Variants in TTC23 observed in about 807,000 individuals in gnomAD.
The protein encoded by TTC23 is tetratricopeptide repeat protein 23.
Under a neutral mutation model 55.1 loss-of-function variants are expected in TTC23, and 58 were observed. That is an observed-to-expected ratio of 1.05 (90% CI 0.85 to 1.31). The LOEUF (loss-of-function observed/expected upper bound fraction) is 1.31, where lower values mean the gene tolerates loss of function less well. Ranked by LOEUF, TTC23 falls within the 50% of genes most tolerant of loss-of-function variation. The pLI, the probability that TTC23 is intolerant of heterozygous loss-of-function variation, is 0.00. For synonymous variants in TTC23, 203 were observed against 199.9 expected (o/e 1.02, Z -0.13); for missense variants, 516 against 534.4 (o/e 0.97, Z 0.34).
At chr15:99,197,914 A>G (rs2075881008) in intron 9 of TTC23, among the ~76,000 whole-genome samples, 1 of 152,100 alleles carries the variant, frequency 6.6e-6, no homozygotes, top group Admixed American at 6.5e-5. Flanking sequence ...ACAAAAAAAA[A>G]AAAGAAAAAA....
chr15:99,172,869 G>A (rs1157933651), intron 10 of TTC23, among the ~76,000 whole-genome samples: 1 of 152,144 alleles, frequency 6.6e-6, no homozygotes, highest in Non-Finnish European at 1.5e-5. Context: ...GCTATATTTA[G>A]ACTGGAAAAC....
intron 8 of TTC23, among the ~76,000 whole-genome samples, chr15:99,217,773 T>C (rs2077589889): frequency 6.6e-6 from 1 of 152,224 alleles, no homozygotes. Context: ...TCCATTCACA[T>C]GGAAGCATTA....
intron 1 of TTC23, chr15:99,248,068 C>T (rs1027787437): frequency 6.6e-6 from 1 of 152,034 alleles, no homozygotes; most frequent in Non-Finnish European, 1.5e-5. Context: ...GGCAGCGGTC[C>T]CCAAAAATCT....
At chr15:99,142,139 G>A (rs1430546435) in intron 12 of TTC23, among the ~76,000 whole-genome samples, 2 of 152,088 alleles carry the variant, frequency 1.3e-5, no homozygotes, top group Non-Finnish European at 2.9e-5. Flanking sequence ...CTGAGGGGAG[G>A]GGATGCGGAC....
At chr15:99,247,959 T>C (rs1393042132) in intron 1 of TTC23, among the ~76,000 whole-genome samples, 1 of 152,184 alleles carries the variant, frequency 6.6e-6, no homozygotes, top group East Asian at 1.9e-4. Flanking sequence ...AAAATAGCTA[T>C]GAAACCACAA....
chr15:99,210,007 C>T (rs2623199), intron 8 of TTC23, among the ~76,000 whole-genome samples: 121,280 of 152,136 alleles, frequency 0.8, 48,678 homozygotes, highest in African/African-American at 0.89. Context: ...CCGCCTGCTT[C>T]GGCCTCCCAA....
chr15:99,152,663 G>A (rs1204926658), intron 12 of TTC23, among the ~76,000 whole-genome samples: 2 of 152,114 alleles, frequency 1.3e-5, no homozygotes, highest in Non-Finnish European at 2.9e-5. Flanking sequence ...GAACCACCAC[G>A]CCTGGCCTCA....
chr15:99,199,909 T>TACCAA lies in TTC23; in HGVS notation c.759+9_759+10insTTGGT. 6.2e-7 allele frequency: 1 copy of TACCAA among 1,608,928 alleles called. No homozygotes were observed. Among genetic ancestry groups the TACCAA allele is most frequent in the Non-Finnish European group, 8.5e-7 (1 of 1,177,594 alleles). The stretch of plus-strand genomic sequence containing the variant: ...AGAACAGCTTTGGTAGCCAGGACCT[T>TACCAA]GTAGCTTACCTGGAGGAAGTGGTTG... On this transcript the variant is annotated intron_variant, in intron 9 of 13. Coordinates refer to ENST00000394132, the MANE Select transcript of TTC23 (RefSeq NM_001288615.3).
In TTC23 at chr15:99,179,755, G is replaced by A. The variant is rs564056411; in HGVS notation, c.760-4600C>T. On this transcript the variant is annotated intron_variant, in intron 9 of 13. Coordinates refer to ENST00000394132, the MANE Select transcript of TTC23 (RefSeq NM_001288615.3). ...TCACAGAAGCAGGTGGAGGGGCCTG[G>A]AAGTCTGACTACCTGCTCCCAGCTA... 2.6e-5 allele frequency among the ~76,000 whole-genome samples: 4 copies of A among 152,298 alleles called. No homozygotes were observed. The East Asian group carries it at 7.7e-4, about 29-fold the overall frequency.
intron 8 of TTC23, among the ~76,000 whole-genome samples, chr15:99,203,058 G>T (rs1475875731): frequency 6.6e-6 from 1 of 152,158 alleles, no homozygotes; most frequent in Non-Finnish European, 1.5e-5. Flanking sequence ...GGGCTCAATT[G>T]TGATCTGAGC....
chr15:99,179,839 C>G (rs948642585), intron 9 of TTC23, among the ~76,000 whole-genome samples: 5 of 152,192 alleles, frequency 3.3e-5, no homozygotes, highest in Non-Finnish European at 5.9e-5. Flanking sequence ...GATTGAGAAC[C>G]ACAGCACATG....
rs554393120 is a variant in TTC23, at chr15:99,169,569, A to T, written c.865+5481T>A. Among the ~76,000 whole-genome samples the T allele has an allele frequency of 1.6e-4, 24 of 152,312 alleles. No individual in the cohort carries two copies. The East Asian group carries it at 3.9e-3, about 25-fold the overall frequency. On this transcript the variant is annotated intron_variant, in intron 10 of 13. Transcript: ENST00000394132. ...CTGGAACACACGGGGCCCAAGGAGC[A>T]TCAGTAACCCAGTGAGCAGGGAGTG...
intron 12 of TTC23, among the ~76,000 whole-genome samples, chr15:99,142,631 C>T (rs985871571): frequency 6.6e-6 from 1 of 152,148 alleles, no homozygotes; most frequent in Admixed American, 6.5e-5. Context: ...TCCATCCTAC[C>T]CCTTTGGTGA....
chr15:99,199,361 A>C (rs2076005733), intron 9 of TTC23, among the ~76,000 whole-genome samples: 1 of 141,862 alleles, frequency 7.0e-6, no homozygotes, highest in African/African-American at 2.6e-5. Flanking sequence ...TGAACCCAGG[A>C]GTTTGAAACC....
intron 9 of TTC23, among the ~76,000 whole-genome samples, chr15:99,179,644 A>C (rs1290250510): frequency 6.6e-6 from 1 of 152,244 alleles, no homozygotes; most frequent in Non-Finnish European, 1.5e-5. Context: ...ATTGATTTTC[A>C]AGTTTCTTTT....
upstream of TTC23, chr15:99,251,110 A>C (rs1400418722): frequency 2.6e-5 from 4 of 152,142 alleles, no homozygotes; most frequent in African/African-American, 9.7e-5. Flanking sequence ...ATGAAGGAAC[A>C]GGTCAGTAAC....
chr15:99,164,686 C>T (rs1476100748), intron 10 of TTC23, among the ~76,000 whole-genome samples: 5 of 152,178 alleles, frequency 3.3e-5, no homozygotes, highest in Admixed American at 3.3e-4. Flanking sequence ...CTTGATTAGG[C>T]CAGCTAGTGT....
intron 12 of TTC23, among the ~76,000 whole-genome samples, chr15:99,147,225 C>CTTTT (rs58503901): frequency 8.9e-6 from 1 of 112,590 alleles, no homozygotes; most frequent in Non-Finnish European, 1.7e-5. Flanking sequence ...AAATTCATTC[C>CTTTT]TTTTTTTTTT....
At chr15:99,199,394 C>T (rs1484444128) in intron 9 of TTC23, among the ~76,000 whole-genome samples, 1 of 144,488 alleles carries the variant, frequency 6.9e-6, no homozygotes. Flanking sequence ...ATGATGAAAC[C>T]CTGTCTCTCC....
Sources: allele counts gnomAD v4.1 joint callset (sites outside exome capture counted in the v4.1 genomes callset), GRCh38; gene constraint gnomAD v4.1.1; transcripts MANE v1.5; gene names NCBI Gene and HGNC (gene_info 2026-07-23, HGNC 2026-07-21).